RARS2: variants seen among roughly 807,000 people sequenced by gnomAD.
RARS2 encodes the protein arginyl-tRNA synthetase 2, mitochondrial.
A neutral mutation model predicts 88.5 loss-of-function variants in RARS2; 67 were observed. The observed-to-expected ratio is 0.76, with a 90% CI of 0.62 to 0.93. The LOEUF is 0.93. RARS2 is among the 40% of genes least tolerant of loss of function. The probability of loss-of-function intolerance (pLI) is 0.00; values close to 1 mark genes in which losing one functional copy is unlikely to be tolerated. For synonymous variants in RARS2, 239 were observed against 230.3 expected (o/e 1.04, Z -0.34); for missense variants, 664 against 684.2 (o/e 0.97, Z 0.33).
At chr6:87,518,498 GGT>G in intron 16 of RARS2, 130 bp downstream of exon 16, 1 of 1,267,034 alleles carries the variant, frequency 7.9e-7, no homozygotes, top group Non-Finnish European at 1.1e-6. Flanking sequence ...CCTAAAAGAA[GGT>G]CTACTCTAGT....
At chr6:87,580,198 T>C (rs1009564987) in intron 1 of RARS2, among the ~76,000 whole-genome samples, 1 of 152,108 alleles carries the variant, frequency 6.6e-6, no homozygotes, top group Admixed American at 6.5e-5. Flanking sequence ...TTTCTTTTGC[T>C]CCCTTCGGGT....
intron 1 of RARS2, among the ~76,000 whole-genome samples, chr6:87,572,618 A>G (rs1273080377): frequency 6.6e-6 from 1 of 152,046 alleles, no homozygotes; most frequent in Non-Finnish European, 1.5e-5. Flanking sequence ...GCTGGAGTGC[A>G]GCGGCTCACA....
chr6:87,524,500 T>A, intron 11 of RARS2, 57 bp downstream of exon 11: 1 of 1,312,526 alleles, frequency 7.6e-7, no homozygotes. Context: ...TACATAGTGT[T>A]TCATCTGAAA....
chr6:87,569,395 T>C lies in RARS2; in HGVS notation c.110+122A>G, dbSNP rs886729063. 7 of 751,654 alleles carry C rather than the reference T, an allele frequency of 9.3e-6. No individual in the cohort carries two copies. In the African/African-American group the frequency reaches 1.2e-4, roughly 13 times the overall value. The allele number at this position is 751,654 out of a possible 1,614,324, so 46.6% of individuals were successfully genotyped here. On this transcript the variant is annotated intron_variant, in intron 2 of 19. Coordinates refer to ENST00000369536, the MANE Select transcript of RARS2 (RefSeq NM_020320.5). ...AATAGGCTGAGTATAATGAATCATA[T>C]CTTACAGTTAATTTCAAGGACTATT...
At chr6:87,569,320 A>C (rs1039434400) in intron 2 of RARS2, among the ~76,000 whole-genome samples, 197 bp downstream of exon 2, 11 of 152,214 alleles carry the variant, frequency 7.2e-5, no homozygotes, top group African/African-American at 2.2e-4. Flanking sequence ...CTGCCATATC[A>C]GAGTATTTAA....
chr6:87,519,749 G>C, intron 13 of RARS2, 42 bp from the exon 14 acceptor site: 3 of 1,612,770 alleles, frequency 1.9e-6, no homozygotes, highest in Non-Finnish European at 2.5e-6. Context: ...CTAAACAAGA[G>C]CTGCTGCTGA....
At chr6:87,573,219 C>T (rs1406731976) in intron 1 of RARS2, among the ~76,000 whole-genome samples, 1 of 152,124 alleles carries the variant, frequency 6.6e-6, no homozygotes, top group Non-Finnish European at 1.5e-5. Context: ...GGGAAGCAGG[C>T]ACATCTCACA....
intron 17 of RARS2, 127 bp from the exon 18 acceptor site, chr6:87,517,007 A>C: frequency 1.4e-6 from 2 of 1,397,982 alleles, no homozygotes; most frequent in South Asian, 2.4e-5. Flanking sequence ...GGCCAGGCGC[A>C]GTGTCTCACG....
chr6:87,559,711 A>G (rs1787254147), intron 4 of RARS2, among the ~76,000 whole-genome samples: 1 of 152,176 alleles, frequency 6.6e-6, no homozygotes, highest in Non-Finnish European at 1.5e-5. Flanking sequence ...GATACAAGGA[A>G]AAATATTTTT....
At chr6:87,562,271 C>T (rs554405323) in intron 4 of RARS2, among the ~76,000 whole-genome samples, 2 of 152,302 alleles carry the variant, frequency 1.3e-5, no homozygotes, top group Admixed American at 6.5e-5. Context: ...CTGTATGCTA[C>T]AGCCTATTGC....
intron 10 of RARS2, among the ~76,000 whole-genome samples, chr6:87,528,645 A>G (rs1474515430): frequency 6.6e-6 from 1 of 152,234 alleles, no homozygotes; most frequent in Non-Finnish European, 1.5e-5. Flanking sequence ...TGCACAGAAA[A>G]CAAATACTGT....
At position 87,530,912 on chromosome 6, in the gene RARS2, C is replaced by A; in HGVS notation, c.643G>T (p.Asp215Tyr). ...GCTGCTTTTGCTACACTTTTATCATCTGCTGCTTCTTTATTAACTTGTACA... is the reference window on the plus strand; with the variant it reads ...GCTGCTTTTGCTACACTTTTATCATATGCTGCTTCTTTATTAACTTGTACA... ...VYVQVNKEAADDKSVAKAAQE... is the reference protein window; with the variant it reads ...VYVQVNKEAAYDKSVAKAAQE... The change falls in exon 9 of 20, where the codon GAT becomes TAT. Residue 215 changes from aspartate to tyrosine, a missense_variant. Transcript: ENST00000369536. 3.1e-6 allele frequency: 5 copies of A among 1,614,194 alleles called. No homozygotes were observed. The Middle Eastern group carries it at 6.6e-4, about 213-fold the overall frequency.
Position 87,562,683 on chromosome 6 carries a change from G to A in RARS2, c.297+19C>T. The stretch of plus-strand genomic sequence containing the variant: ...AGACAGAATGAAAGCACAATGGCTG[G>A]ATATTAACTTATTCTTACCTTTGTT... On this transcript the variant is annotated intron_variant, in intron 4 of 19. Transcript: ENST00000369536. 1.3e-6 allele frequency: 2 copies of A among 1,552,412 alleles called. No individual in the cohort carries two copies. Among genetic ancestry groups the A allele is most frequent in the Non-Finnish European group, 1.8e-6 (2 of 1,124,028 alleles).
chr6:87,582,907 C>T (rs1165474954), intron 1 of RARS2, among the ~76,000 whole-genome samples: 2 of 152,028 alleles, frequency 1.3e-5, no homozygotes, highest in Admixed American at 6.6e-5. Flanking sequence ...ATAACGAGAG[C>T]GTAAAGCTAC....
At chr6:87,515,633 C>G (rs186510648) in intron 18 of RARS2, among the ~76,000 whole-genome samples, 301 of 147,032 alleles carry the variant, frequency 2.0e-3, no homozygotes, top group African/African-American at 7.4e-3. Context: ...CACAGCATGG[C>G]CTTTCCCTCT....
chr6:87,570,345 T>C (rs1769270582), intron 1 of RARS2, among the ~76,000 whole-genome samples: 1 of 152,202 alleles, frequency 6.6e-6, no homozygotes, highest in Non-Finnish European at 1.5e-5. Context: ...CGACTGTTAA[T>C]ACATAGCCAA....
intron 1 of RARS2, among the ~76,000 whole-genome samples, chr6:87,570,818 G>T (rs1769442634): frequency 6.6e-6 from 1 of 152,130 alleles, no homozygotes; most frequent in African/African-American, 2.4e-5. Context: ...CCCTCAAAGT[G>T]CTGGGATTAC....
At chr6:87,586,587 A>C (rs1327945660) in intron 1 of RARS2, among the ~76,000 whole-genome samples, 1 of 152,236 alleles carries the variant, frequency 6.6e-6, no homozygotes, top group Non-Finnish European at 1.5e-5. Flanking sequence ...GTCTGAGGCC[A>C]TTTCAGGGCA....
chr6:87,541,014 C>T (rs1780763896), intron 8 of RARS2, among the ~76,000 whole-genome samples: 1 of 151,588 alleles, frequency 6.6e-6, no homozygotes, highest in South Asian at 2.1e-4. Context: ...AGCTGCAGTA[C>T]ATATTAACTG....
Sources: allele counts gnomAD v4.1 joint callset (sites outside exome capture counted in the v4.1 genomes callset), GRCh38; gene constraint gnomAD v4.1.1; transcripts MANE v1.5; gene names NCBI Gene and HGNC (gene_info 2026-07-23, HGNC 2026-07-21).